The following ARFIP1 variants were observed in gnomAD, a reference collection of about 807,000 sequenced individuals.
ARFIP1 encodes the protein ARF interacting protein 1, also known as arfaptin-1.
A neutral mutation model predicts 42.5 loss-of-function variants in ARFIP1; 24 were observed. The observed-to-expected ratio is 0.57, with a 90% CI of 0.41 to 0.80. The LOEUF is 0.80. Among genes scored for constraint, ARFIP1 ranks in the 30% least tolerant of loss-of-function variants. ARFIP1 has a pLI of 0.00. For synonymous variants in ARFIP1, 141 were observed against 153.7 expected (o/e 0.92, Z 0.61); for missense variants, 354 against 434.0 (o/e 0.82, Z 1.64).
chr4:152,794,760 T>A (rs551755602), intron 1 of ARFIP1, among the ~76,000 whole-genome samples: 1 of 152,322 alleles, frequency 6.6e-6, no homozygotes, highest in South Asian at 2.1e-4. Flanking sequence ...AGAAGAGTTG[T>A]CGCTTTTCCT....
intron 3 of ARFIP1, among the ~76,000 whole-genome samples, chr4:152,866,528 G>A (rs780588538): frequency 4.8e-5 from 5 of 104,306 alleles, no homozygotes; most frequent in Admixed American, 9.6e-5. Context: ...CGGACGGGGC[G>A]GCTGGCCGCG....
At chr4:152,782,658 A>G (rs1730573496) in intron 1 of ARFIP1, among the ~76,000 whole-genome samples, 1 of 152,140 alleles carries the variant, frequency 6.6e-6, no homozygotes, top group African/African-American at 2.4e-5. Flanking sequence ...AACAAACAAG[A>G]TGTTTCAGTG....
intron 2 of ARFIP1, among the ~76,000 whole-genome samples, chr4:152,847,797 T>G (rs144967461): frequency 0.013 from 2,002 of 152,266 alleles, 19 homozygotes; most frequent in Admixed American, 0.02. Flanking sequence ...GGTTGAAACT[T>G]CTTGTGAATT....
At chr4:152,793,344 T>A (rs994625827) in intron 1 of ARFIP1, among the ~76,000 whole-genome samples, 1 of 146,450 alleles carries the variant, frequency 6.8e-6, no homozygotes, top group African/African-American at 2.5e-5. Context: ...ATATATATAA[T>A]ATATATATAA....
intron 2 of ARFIP1, among the ~76,000 whole-genome samples, chr4:152,837,003 C>G (rs1045166832): frequency 2.0e-5 from 3 of 151,964 alleles, no homozygotes; most frequent in Non-Finnish European, 4.4e-5. Context: ...TAGCCTAGTT[C>G]CCACATAATC....
chr4:152,804,213 T>TATATATAACATAAGATGTATTATATATA (rs1728729248), intron 1 of ARFIP1, among the ~76,000 whole-genome samples: 1 of 36,908 alleles, frequency 2.7e-5, no homozygotes, highest in Admixed American at 4.3e-4. Context: ...TATTATATAT[T>TATATATAACATAAGATGTATTATATATA]ATATATAATA....
intron 1 of ARFIP1, among the ~76,000 whole-genome samples, chr4:152,786,166 GT>G (rs1332183764): frequency 1.3e-5 from 2 of 152,182 alleles, no homozygotes; most frequent in East Asian, 3.8e-4. Context: ...GGGGATTATA[GT>G]TAGCTGCTTT....
intron 2 of ARFIP1, among the ~76,000 whole-genome samples, chr4:152,848,452 C>T (rs1475925564): frequency 6.6e-6 from 1 of 152,136 alleles, no homozygotes; most frequent in African/African-American, 2.4e-5. Context: ...AATTTCCCTG[C>T]ATGTGGTATT....
chr4:152,788,879 A>G (rs1730979084), intron 1 of ARFIP1, among the ~76,000 whole-genome samples: 1 of 118,878 alleles, frequency 8.4e-6, no homozygotes, highest in South Asian at 2.5e-4. Flanking sequence ...GTATCCTTTC[A>G]TTTTGACAGT....
intron 1 of ARFIP1, among the ~76,000 whole-genome samples, chr4:152,789,093 T>TC: frequency 7.2e-6 from 1 of 137,984 alleles, no homozygotes; most frequent in East Asian, 2.0e-4. Context: ...TTTTTTTTTT[T>TC]TTTTTTTTTT....
chr4:152,823,947 C>A (rs187290963), intron 1 of ARFIP1, among the ~76,000 whole-genome samples: 18 of 152,170 alleles, frequency 1.2e-4, no homozygotes, highest in African/African-American at 4.3e-4. Flanking sequence ...GACCAATATA[C>A]CTGATGAACA....
intron 1 of ARFIP1, among the ~76,000 whole-genome samples, chr4:152,804,068 TATATATTATATATAATATAACGTA>T (rs1728661082): frequency 4.6e-5 from 5 of 107,938 alleles, no homozygotes; most frequent in Non-Finnish European, 9.3e-5. Flanking sequence ...TAACATGTAA[TATATATTATATATAATATAACGTA>T]ATATATATTA....
intron 1 of ARFIP1, 38 bp from the exon 2 acceptor site, chr4:152,829,587 G>A (rs1561127434): frequency 7.2e-7 from 1 of 1,395,386 alleles, no homozygotes; most frequent in Middle Eastern, 1.8e-4. Context: ...TTATGATTTG[G>A]TATTAGTTAC....
intron 2 of ARFIP1, among the ~76,000 whole-genome samples, chr4:152,858,168 T>C (rs1230745922): frequency 6.6e-6 from 1 of 152,124 alleles, no homozygotes; most frequent in East Asian, 1.9e-4. Context: ...GGTGCATGTC[T>C]GTAATCCCAG....
chr4:152,796,700 C>G, intron 1 of ARFIP1: 4 of 878,286 alleles, frequency 4.6e-6, no homozygotes, highest in South Asian at 1.3e-5. Context: ...TTAAGCTTAG[C>G]CTTCAGACCA....
intron 1 of ARFIP1, among the ~76,000 whole-genome samples, chr4:152,787,557 G>T (rs1044514507): frequency 1.3e-5 from 2 of 152,238 alleles, no homozygotes; most frequent in Admixed American, 6.5e-5. Context: ...TTGGTTATAC[G>T]TAGCATATAA....
chr4:152,907,702 T>C (rs1313129880), intron 8 of ARFIP1, among the ~76,000 whole-genome samples: 1 of 152,238 alleles, frequency 6.6e-6, no homozygotes, highest in African/African-American at 2.4e-5. Context: ...TCCATAGTGA[T>C]GCATGTAGCT....
intron 8 of ARFIP1, among the ~76,000 whole-genome samples, chr4:152,908,226 A>G (rs1561189004): frequency 6.6e-6 from 1 of 152,148 alleles, no homozygotes; most frequent in African/African-American, 2.4e-5. Context: ...TATATTCCAG[A>G]TACACATTCT....
In ARFIP1 at chr4:152,831,810, C is replaced by T. The variant is rs1410335071; in HGVS notation, c.93+2084C>T. Among the ~76,000 whole-genome samples the T allele has an allele frequency of 2.6e-5, 4 of 152,034 alleles. No homozygotes were observed. In the East Asian group the frequency reaches 5.8e-4, roughly 22 times the overall value. Reference sequence around the variant, plus strand: ...TAAGTTCTGGGATACATATGCAGAACGTGCAGGTTTGTTACATAGGTATAC... The same window carrying T: ...TAAGTTCTGGGATACATATGCAGAATGTGCAGGTTTGTTACATAGGTATAC... On this transcript the variant is annotated intron_variant, in intron 2 of 8. Coordinates refer to ENST00000353617, the MANE Select transcript of ARFIP1 (RefSeq NM_001025595.3).
Sources: allele counts gnomAD v4.1 joint callset (sites outside exome capture counted in the v4.1 genomes callset), GRCh38; gene constraint gnomAD v4.1.1; transcripts MANE v1.5; gene names NCBI Gene and HGNC (gene_info 2026-07-23, HGNC 2026-07-21).